Variants in SLTM observed in about 807,000 individuals in gnomAD.
The protein encoded by SLTM is SAFB-like transcription modulator.
Under a neutral mutation model 134.6 loss-of-function variants are expected in SLTM, and 43 were observed. The ratio of observed to expected loss-of-function variants is 0.32; its 90% CI spans 0.25 to 0.41. The LOEUF (loss-of-function observed/expected upper bound fraction) is 0.41, where lower values mean the gene tolerates loss of function less well. SLTM is among the 10% of genes least tolerant of loss of function. SLTM has a pLI of 1.00. For synonymous variants in SLTM, 424 were observed against 432.3 expected (o/e 0.98, Z 0.24); for missense variants, 1,055 against 1,288.8 (o/e 0.82, Z 2.78).
intron 5 of SLTM, among the ~76,000 whole-genome samples, chr15:58,903,895 T>C (rs1422128830): frequency 6.6e-6 from 1 of 152,230 alleles, no homozygotes; most frequent in African/African-American, 2.4e-5. Context: ...TTTAGATTCA[T>C]ATAAAAGCAT....
At chr15:58,885,941 A>G (rs905839600) in intron 19 of SLTM, among the ~76,000 whole-genome samples, 33 of 152,172 alleles carry the variant, frequency 2.2e-4, no homozygotes, top group African/African-American at 7.0e-4. Flanking sequence ...CTGTGCTACT[A>G]TCAACCCACA....
intron 2 of SLTM, among the ~76,000 whole-genome samples, chr15:58,921,879 G>T (rs142695421): frequency 6.6e-6 from 1 of 151,990 alleles, no homozygotes; most frequent in African/African-American, 2.4e-5. Flanking sequence ...AGGTTCAAGC[G>T]ATTCTCATGC....
intron 9 of SLTM, 41 bp downstream of exon 9, chr15:58,897,074 C>T (rs779765609): frequency 2.6e-6 from 3 of 1,146,602 alleles, no homozygotes; most frequent in Non-Finnish European, 4.0e-6. Flanking sequence ...ATTTCAAATG[C>T]AGACACCAGA....
In SLTM at chr15:58,901,158, TAAAC is replaced by T. The variant is rs2035461633; in HGVS notation, c.589+98_589+101del. The T allele has an allele frequency of 7.7e-5, 70 of 906,782 alleles. No individual in the cohort carries two copies. The South Asian group carries it at 9.8e-4, about 13-fold the overall frequency. 56.2% of individuals were successfully genotyped at this position (906,782 alleles called of 1,614,324 possible). On this transcript the variant is annotated intron_variant, in intron 6 of 20. Coordinates refer to ENST00000380516, the MANE Select transcript of SLTM (RefSeq NM_024755.4). Reference sequence around the variant, plus strand: ...TTCACTAAATGGATAAATTTGAAAATAAACTAATTTCAAAAATAAGATTTCAAAT... The same window carrying T: ...TTCACTAAATGGATAAATTTGAAAATTAATTTCAAAAATAAGATTTCAAAT...
intron 2 of SLTM, among the ~76,000 whole-genome samples, chr15:58,926,613 CTTT>C (rs377711971): frequency 1.4e-5 from 2 of 141,728 alleles, no homozygotes; most frequent in Non-Finnish European, 3.1e-5. Flanking sequence ...TCTGGATTAC[CTTT>C]TTTTTTTTTT....
chr15:58,889,449 G>T lies in SLTM; in HGVS notation c.2185C>A (p.Pro729Thr), dbSNP rs1416454737. The change falls in exon 16 of 21, where the codon CCA (proline) becomes ACA (threonine). Residue 729 changes from proline to threonine, a missense_variant. By Grantham distance (38) the Pro-to-Thr change is conservative. Around this residue, in one of 3 missense-constraint regions of SLTM, gnomAD observed 776 missense variants for 962.2 expected, o/e 0.81. Coordinates refer to ENST00000380516, the MANE Select transcript of SLTM (RefSeq NM_024755.4). ...EQEKRNSLKRPRDVDHRRDDP... is the reference protein window; with the variant it reads ...EQEKRNSLKRTRDVDHRRDDP... Reference sequence around the variant, plus strand: ...AACTACCTATGATCTACATCACGTGGGCGTTTCAAGGAATTCCTTTTTTCT... The same window carrying T: ...AACTACCTATGATCTACATCACGTGTGCGTTTCAAGGAATTCCTTTTTTCT... 6.2e-7 allele frequency: 1 copy of T among 1,613,956 alleles called. No homozygotes were observed. The highest frequency in any genetic ancestry group is 1.3e-5 in the African/African-American group (1 of 75,028).
At chr15:58,881,293 G>A (rs923757736) in intron 20 of SLTM, among the ~76,000 whole-genome samples, 47 of 152,294 alleles carry the variant, frequency 3.1e-4, no homozygotes, top group African/African-American at 1.1e-3. Context: ...GGAGGCTGAA[G>A]CTGGAGGATC....
intron 5 of SLTM, among the ~76,000 whole-genome samples, chr15:58,908,186 G>T (rs1460658238): frequency 6.6e-6 from 1 of 151,278 alleles, no homozygotes; most frequent in East Asian, 1.9e-4. Context: ...TCTACCTCCT[G>T]AGTAGCTAGG....
intron 4 of SLTM, 89 bp from the exon 5 acceptor site, chr15:58,912,699 C>T: frequency 9.4e-7 from 1 of 1,068,744 alleles, no homozygotes; most frequent in Non-Finnish European, 1.4e-6. Flanking sequence ...TTATCATTTG[C>T]CTTGTGTTCT....
Position 58,899,696 on chromosome 15 carries a change from ACTTG to A in SLTM, c.827_830del (p.Ala276ValfsTer23). ...TGGCGTCCTGCCCATCTTTTGGCTT[ACTTG>A]CTTCAGAATCTGTAATTTTCACATT... On this transcript the variant is annotated frameshift_variant, in exon 7 of 21. Transcript: ENST00000380516. LOFTEE classifies it high-confidence loss of function. The surrounding 1 kb of genome is among the most constrained non-coding windows in gnomAD (Gnocchi z 5.0). 1 of 1,614,096 alleles carries A rather than the reference ACTTG, an allele frequency of 6.2e-7. No homozygotes were observed. Among genetic ancestry groups the A allele is most frequent in the Non-Finnish European group, 8.5e-7 (1 of 1,179,994 alleles).
At chr15:58,931,720 A>G (rs2037893255) in intron 2 of SLTM, among the ~76,000 whole-genome samples, 2 of 152,354 alleles carry the variant, frequency 1.3e-5, no homozygotes, top group South Asian at 2.1e-4. Context: ...TCACTAAATC[A>G]TTATATCCTA....
intron 5 of SLTM, among the ~76,000 whole-genome samples, chr15:58,912,290 G>A (rs557386847): frequency 4.6e-5 from 7 of 152,014 alleles, no homozygotes; most frequent in Admixed American, 6.6e-5. Flanking sequence ...CAGTAGAGAC[G>A]GGGTTTCGCC....
intron 20 of SLTM, among the ~76,000 whole-genome samples, chr15:58,882,998 G>A (rs1281248892): frequency 6.6e-6 from 1 of 152,222 alleles, no homozygotes; most frequent in Non-Finnish European, 1.5e-5. Flanking sequence ...AGAACAAGAT[G>A]ATGGTTCCAA....
Position 58,890,418 on chromosome 15 carries a change from T to C in SLTM, c.1942A>G (p.Ile648Val). ...TCTTCCCGTTCACGAATTATTCTAA[T>C]GCGTTCTCGCTCTCGACGCTCTCTC... ...AERERRERER[I>V]RIIREREERE... Residue 648 changes from isoleucine (I) to valine (V), a missense_variant, in exon 15 of 21, where the codon ATT becomes GTT. Transcript: ENST00000380516. 8.7e-6 allele frequency: 14 copies of C among 1,614,096 alleles called. No individual in the cohort carries two copies. Among genetic ancestry groups the C allele is most frequent in the Non-Finnish European group, 1.1e-5 (13 of 1,180,000 alleles).
At chr15:58,923,263 T>A (rs2037223694) in intron 2 of SLTM, among the ~76,000 whole-genome samples, 1 of 152,082 alleles carries the variant, frequency 6.6e-6, no homozygotes, top group Non-Finnish European at 1.5e-5. Flanking sequence ...GGGGCCGATG[T>A]GGGAGGATAC....
intron 2 of SLTM, among the ~76,000 whole-genome samples, chr15:58,918,724 A>G (rs761024283): frequency 2.0e-5 from 3 of 152,204 alleles, no homozygotes; most frequent in Non-Finnish European, 4.4e-5. Context: ...TGCTTTGCAT[A>G]TAATTTTATA....
At chr15:58,924,912 T>G (rs2037352364) in intron 2 of SLTM, among the ~76,000 whole-genome samples, 1 of 152,052 alleles carries the variant, frequency 6.6e-6, no homozygotes. Context: ...CTCAACCACC[T>G]GGGTCCAAGC....
chr15:58,912,976 C>T (rs978955372), intron 4 of SLTM, among the ~76,000 whole-genome samples: 1 of 152,142 alleles, frequency 6.6e-6, no homozygotes, highest in Admixed American at 6.5e-5. Context: ...GAAATATTAT[C>T]TGCTTTAAAA....
rs763989525 is a variant in SLTM, at chr15:58,932,347, C to G, written c.250+9G>C. ...TATATTTTAAAACATGTTCATAACT[C>G]GTAACAACCTTTGCCTTTAGTTGGT... On this transcript the variant is annotated intron_variant, in intron 2 of 20. Coordinates refer to ENST00000380516, the MANE Select transcript of SLTM (RefSeq NM_024755.4). 1 of 1,599,742 alleles carries G rather than the reference C, an allele frequency of 6.3e-7. No homozygotes were observed. The highest frequency in any genetic ancestry group is 1.3e-5 in the African/African-American group (1 of 74,590).
Sources: gnomAD v4.1 joint callset for allele counts (sites outside exome capture counted in the v4.1 genomes callset) on GRCh38, gnomAD v4.1.1 for gene constraint, gnomAD v4.1.1 regional missense constraint, Gnocchi (gnomAD v3.1) non-coding constraint, MANE v1.5 for transcripts, NCBI Gene and HGNC (gene_info 2026-07-23, HGNC 2026-07-21) for gene names.